The following CGNL1 variants were observed in gnomAD, a reference collection of about 807,000 sequenced individuals.
The protein encoded by CGNL1 is cingulin like 1.
In CGNL1, 132 loss-of-function variants were observed where a neutral mutation model predicts 141.2. The observed-to-expected ratio is 0.93, with a 90% CI of 0.81 to 1.08. The LOEUF is 1.08. Among genes scored for constraint, CGNL1 ranks in the 50% least tolerant of loss-of-function variants. CGNL1 has a pLI of 0.00. For synonymous variants in CGNL1, 690 were observed against 622.1 expected (o/e 1.11, Z -1.63); for missense variants, 1,870 against 1,588.6 (o/e 1.18, Z -3.01).
At chr15:57,427,228 C>G (rs1191051480) in intron 1 of CGNL1, among the ~76,000 whole-genome samples, 1 of 152,162 alleles carries the variant, frequency 6.6e-6, no homozygotes, top group East Asian at 1.9e-4. Flanking sequence ...ATACATGTAG[C>G]AAGCTGCTAG....
chr15:57,448,621 C>T (rs1430799831), intron 4 of CGNL1, among the ~76,000 whole-genome samples: 1 of 151,964 alleles, frequency 6.6e-6, no homozygotes, highest in African/African-American at 2.4e-5. Flanking sequence ...GCACTCCAGC[C>T]TGGATGACAG....
intron 7 of CGNL1, among the ~76,000 whole-genome samples, chr15:57,456,112 C>A (rs546653549): frequency 1.3e-5 from 2 of 152,178 alleles, no homozygotes; most frequent in South Asian, 4.1e-4. Flanking sequence ...GTTTCTACGT[C>A]ACTAGTAAAA....
At chr15:57,423,983 C>T (rs1433839484) in intron 1 of CGNL1, among the ~76,000 whole-genome samples, 2 of 152,214 alleles carry the variant, frequency 1.3e-5, no homozygotes, top group African/African-American at 4.8e-5. Context: ...TAGCTGAGCT[C>T]CTCCAGTCCC....
At chr15:57,452,654 G>A (rs1006599851) in intron 6 of CGNL1, among the ~76,000 whole-genome samples, 2 of 151,834 alleles carry the variant, frequency 1.3e-5, no homozygotes, top group African/African-American at 4.8e-5. Context: ...CGTGGCCCCC[G>A]TGAGCTCTCA....
intron 3 of CGNL1, 115 bp downstream of exon 3, chr15:57,440,586 G>A: frequency 2.5e-6 from 2 of 814,750 alleles, no homozygotes; most frequent in East Asian, 2.7e-5. Flanking sequence ...CCAGCCGTTG[G>A]AGGGTTAAAA....
chr15:57,475,569 C>T (rs150169493), intron 8 of CGNL1, among the ~76,000 whole-genome samples: 116 of 151,616 alleles, frequency 7.7e-4, no homozygotes, highest in African/African-American at 2.5e-3. Context: ...TAAATGCCTG[C>T]TGTGCAACCC....
At chr15:57,545,779 C>T (rs185457047) in intron 17 of CGNL1, 79 bp downstream of exon 17, 1 of 1,217,514 alleles carries the variant, frequency 8.2e-7, no homozygotes, top group Non-Finnish European at 1.2e-6. Flanking sequence ...GCAAGGCCTC[C>T]CTGAGCAGGA....
intron 1 of CGNL1, chr15:57,377,147 CTGTT>C (rs1361096125): frequency 2.6e-5 from 4 of 152,244 alleles, no homozygotes; most frequent in African/African-American, 9.6e-5. Context: ...AGTTGCATCA[CTGTT>C]TGGCCTCTAG....
At chr15:57,515,332 G>C in intron 8 of CGNL1, among the ~76,000 whole-genome samples, 1 of 152,160 alleles carries the variant, frequency 6.6e-6, no homozygotes, top group East Asian at 1.9e-4. Flanking sequence ...AGGATGCTCT[G>C]GTTCCTGAAA....
intron 1 of CGNL1, among the ~76,000 whole-genome samples, chr15:57,378,369 T>G (rs1385524580): frequency 6.7e-4 from 43 of 64,568 alleles, no homozygotes; most frequent in African/African-American, 2.8e-3. Context: ...ATGTGTTTTT[T>G]TTTTTTTTTT....
chr15:57,443,472 G>T (rs944479696), intron 4 of CGNL1, among the ~76,000 whole-genome samples: 1 of 152,194 alleles, frequency 6.6e-6, no homozygotes, highest in African/African-American at 2.4e-5. Flanking sequence ...CCTGGAGGCA[G>T]GTAACAGGAA....
intron 1 of CGNL1, among the ~76,000 whole-genome samples, chr15:57,400,264 A>G (rs2062645438): frequency 6.6e-6 from 1 of 152,172 alleles, no homozygotes; most frequent in Admixed American, 6.5e-5. Context: ...AAGTGCTGGG[A>G]TTATAGGCGT....
chr15:57,503,705 C>T (rs1045302732), intron 8 of CGNL1, among the ~76,000 whole-genome samples: 1 of 152,022 alleles, frequency 6.6e-6, no homozygotes, highest in Non-Finnish European at 1.5e-5. Flanking sequence ...GGGGAGGCCT[C>T]AGAATTATGG....
chr15:57,445,470 G>C (rs1779431090), intron 4 of CGNL1, among the ~76,000 whole-genome samples: 1 of 152,184 alleles, frequency 6.6e-6, no homozygotes, highest in South Asian at 2.1e-4. Context: ...GTGATTAGGA[G>C]AGAATGTAAG....
intron 1 of CGNL1, among the ~76,000 whole-genome samples, chr15:57,425,040 A>G (rs191689961): frequency 6.6e-6 from 1 of 152,346 alleles, no homozygotes; most frequent in African/African-American, 2.4e-5. Context: ...TTAAGTGAAC[A>G]CTAAGAATCG....
chr15:57,390,132 T>G (rs1267105682), intron 1 of CGNL1, among the ~76,000 whole-genome samples: 7 of 152,226 alleles, frequency 4.6e-5, no homozygotes, highest in Admixed American at 1.3e-4. Context: ...CCCAGTTCTT[T>G]ATGACCACAA....
At chr15:57,509,673 C>T (rs1372076738) in intron 8 of CGNL1, among the ~76,000 whole-genome samples, 1 of 152,172 alleles carries the variant, frequency 6.6e-6, no homozygotes, top group South Asian at 2.1e-4. Context: ...AATGTGCCAG[C>T]CTGCAGGCAG....
intron 8 of CGNL1, among the ~76,000 whole-genome samples, chr15:57,515,478 G>A (rs1215130575): frequency 1.3e-5 from 2 of 152,178 alleles, no homozygotes; most frequent in East Asian, 3.8e-4. Context: ...GCCTTTAAAA[G>A]CCTAACCTTG....
intron 10 of CGNL1, among the ~76,000 whole-genome samples, chr15:57,519,764 G>A (rs1324516390): frequency 1.3e-5 from 2 of 152,082 alleles, no homozygotes; most frequent in Non-Finnish European, 2.9e-5. Context: ...TGGTTGGGGG[G>A]CAGAAAGAAA....
Sources: allele counts gnomAD v4.1 joint callset (sites outside exome capture counted in the v4.1 genomes callset), GRCh38; gene constraint gnomAD v4.1.1; transcripts MANE v1.5; gene names NCBI Gene and HGNC (gene_info 2026-07-23, HGNC 2026-07-21).